The following ZBTB14 variants were observed in gnomAD, a reference collection of about 807,000 sequenced individuals.
ZBTB14 encodes the protein zinc finger and BTB domain-containing protein 14.
Under a neutral mutation model 29.5 loss-of-function variants are expected in ZBTB14, and 8 were observed. The observed-to-expected ratio is 0.27, with a 90% confidence interval of 0.16 to 0.49. The LOEUF is 0.49. Among genes scored for constraint, ZBTB14 ranks in the 20% least tolerant of loss-of-function variants. ZBTB14 has a pLI of 0.99. For synonymous variants in ZBTB14, 226 were observed against 207.2 expected (o/e 1.09, Z -0.78); for missense variants, 333 against 563.8 (o/e 0.59, Z 4.15).
chr18:5,290,393 C>A lies in ZBTB14; in HGVS notation c.*465G>T, dbSNP rs1480334815. The A allele has an allele frequency of 1.3e-5, 2 of 153,964 alleles. No homozygotes were observed. The highest frequency in any genetic ancestry group is 4.8e-5 in the African/African-American group (2 of 41,492). 9.5% of individuals were successfully genotyped at this position (153,964 alleles called of 1,614,324 possible). ...TGTGCAGTGTTCTTGGTCAACCACTCACCAATTTTCTGCGTCTATCTGAAG... is the reference window on the plus strand; with the variant it reads ...TGTGCAGTGTTCTTGGTCAACCACTAACCAATTTTCTGCGTCTATCTGAAG... On this transcript the variant is annotated 3_prime_UTR_variant, in exon 4 of 4. Transcript: ENST00000651870.
Position 5,291,620 on chromosome 18 carries a change from C to T in ZBTB14, c.588G>A (p.Arg196=). The T allele has an allele frequency of 6.2e-7, 1 of 1,613,878 alleles. No homozygotes were observed. The highest frequency in any genetic ancestry group is 8.5e-7 in the Non-Finnish European group (1 of 1,180,032). The part of the protein sequence containing the change: ...EDGKSPTTTL[R]VQEAILKELG... ...GCTCTTTCAGGATCGCTTCCTGAAC[C>T]CTGAGCGTTGTGGTGGGCGACTTGC... The change falls in exon 4 of 4, where the codon AGG becomes AGA. Residue 196 remains arginine (R), a synonymous_variant. Transcript: ENST00000651870. The surrounding 1 kb of genome is among the most constrained non-coding windows in gnomAD (Gnocchi z 5.8).
intron 1 of ZBTB14, among the ~76,000 whole-genome samples, chr18:5,294,548 C>A (rs1381225776): frequency 6.6e-6 from 1 of 152,182 alleles, no homozygotes; most frequent in African/African-American, 2.4e-5. Context: ...GAAGAGAGAC[C>A]ATGTGTGTCC....
At chr18:5,295,978 C>T (rs188195726), upstream of ZBTB14, 1,250 of 151,530 alleles carry the variant, frequency 8.2e-3, 8 homozygotes, top group South Asian at 0.024. Flanking sequence ...AAATCGTGCA[C>T]GTCCCTGATG....
upstream of ZBTB14, chr18:5,296,206 C>T (rs1421487775): frequency 1.3e-5 from 2 of 151,224 alleles, no homozygotes; most frequent in Non-Finnish European, 3.0e-5. Context: ...GGGGCCGCCC[C>T]CGGAGGGCCC....
At chr18:5,294,394 G>T (rs572478658) in intron 1 of ZBTB14, among the ~76,000 whole-genome samples, 1 of 152,314 alleles carries the variant, frequency 6.6e-6, no homozygotes, top group East Asian at 1.9e-4. Context: ...CCTAGGGCTT[G>T]TGGGATAAAA....
Position 5,293,992 on chromosome 18 carries a change from G to A in ZBTB14, c.-102C>T, listed in dbSNP as rs1021871218. Reference sequence around the variant, plus strand: ...CTTACCGGAAGAACTCCATCCTGCAGACCCATATCCTGAAAAACAAAAAGT... The same window carrying A: ...CTTACCGGAAGAACTCCATCCTGCAAACCCATATCCTGAAAAACAAAAAGT... On this transcript the variant is annotated 5_prime_UTR_variant, in exon 2 of 4. Coordinates refer to ENST00000651870, the MANE Select transcript of ZBTB14 (RefSeq NM_001243702.2). The A allele has an allele frequency of 6.6e-6, 1 of 152,162 alleles. No individual in the cohort carries two copies. Among genetic ancestry groups the A allele is most frequent in the Non-Finnish European group, 1.5e-5 (1 of 68,046 alleles). The allele number at this position is 152,162 out of a possible 1,614,324, so 9.4% of individuals were successfully genotyped here. A position where few individuals can be genotyped will look rare whatever the true frequency, so the allele number is the denominator to read the frequency against.
Position 5,290,845 on chromosome 18 carries a change from T to C in ZBTB14, c.*13A>G, listed in dbSNP as rs1364214582. The C allele has an allele frequency of 1.2e-6, 2 of 1,607,812 alleles. No homozygotes were observed. On this transcript the variant is annotated 3_prime_UTR_variant, in exon 4 of 4. Coordinates refer to ENST00000651870, the MANE Select transcript of ZBTB14 (RefSeq NM_001243702.2). ...CTCCACTTTCCAGGCAAAGTGTCCC[T>C]GTCCCACCGCCTCTAGCTACAGGCT...
intron 1 of ZBTB14, among the ~76,000 whole-genome samples, 197 bp downstream of exon 1, chr18:5,295,455 C>G (rs1341946191): frequency 2.1e-5 from 3 of 145,222 alleles, no homozygotes; most frequent in African/African-American, 7.4e-5. Flanking sequence ...TGGGTTCGGG[C>G]CGTCCCCACC....
upstream of ZBTB14, chr18:5,296,048 G>GC (rs1039137462): frequency 7.6e-4 from 114 of 150,968 alleles, no homozygotes; most frequent in East Asian, 3.2e-3. Context: ...CACCCCCACC[G>GC]CCCCCCCCTT....
intron 1 of ZBTB14, among the ~76,000 whole-genome samples, chr18:5,294,644 G>A (rs1326995660): frequency 6.6e-6 from 1 of 152,032 alleles, no homozygotes; most frequent in Non-Finnish European, 1.5e-5. Flanking sequence ...GAAGACAGCT[G>A]TTGCCAGCAT....
chr18:5,293,027 G>A (rs1009998814), intron 3 of ZBTB14, among the ~76,000 whole-genome samples: 26 of 152,140 alleles, frequency 1.7e-4, no homozygotes, highest in Non-Finnish European at 2.9e-4. Context: ...CAAAAATTTG[G>A]AACTGGCATG....
In ZBTB14 at chr18:5,291,479, A is replaced by G; in HGVS notation, c.729T>C (p.Asp243=). ...GTTCATCTTTCACTTCACTCATCCC[A>G]TCATTAAATGTTAAGGCTTGAGGGG... ...SQTPQALTFN[D]GMSEVKDEQT... The change falls in exon 4 of 4, where the codon GAT becomes GAC. Residue 243 remains aspartate (D), a synonymous_variant. Transcript: ENST00000651870. This position sits in a 1 kb window ranked among gnomAD's most constrained non-coding sequence, Gnocchi z 5.8. 3.7e-6 allele frequency: 6 copies of G among 1,614,138 alleles called. No homozygotes were observed. Among genetic ancestry groups the G allele is most frequent in the Non-Finnish European group, 5.1e-6 (6 of 1,180,022 alleles).
intron 1 of ZBTB14, among the ~76,000 whole-genome samples, chr18:5,295,379 G>A (rs1413204473): frequency 2.8e-5 from 4 of 142,848 alleles, no homozygotes; most frequent in Admixed American, 2.1e-4. Context: ...CTCCGCCGGC[G>A]GCTGTAGGCG....
chr18:5,294,462 G>C (rs1281016522), intron 1 of ZBTB14, among the ~76,000 whole-genome samples: 1 of 152,154 alleles, frequency 6.6e-6, no homozygotes, highest in East Asian at 1.9e-4. Flanking sequence ...ATATCAATGT[G>C]TTGTTGTTGT....
In ZBTB14 at chr18:5,290,599, A is replaced by T. The variant is rs1222377125; in HGVS notation, c.*259T>A. The T allele has an allele frequency of 5.5e-6, 2 of 363,834 alleles. No individual in the cohort carries two copies. The highest frequency in any genetic ancestry group is 8.8e-5 in the East Asian group (2 of 22,728). 22.5% of individuals were successfully genotyped at this position (363,834 alleles called of 1,614,324 possible). The stretch of plus-strand genomic sequence containing the variant: ...AGGAGTTCTCAAATTAAAATAATAA[A>T]AAAAAAAAAGGGAGAGAGGTGCTTA... On this transcript the variant is annotated 3_prime_UTR_variant, in exon 4 of 4. Transcript: ENST00000651870.
chr18:5,296,602 C>G (rs375296376), upstream of ZBTB14, among the ~76,000 whole-genome samples: 24 of 152,184 alleles, frequency 1.6e-4, 2 homozygotes, highest in Admixed American at 9.2e-4. Context: ...GGTCTGCGGT[C>G]TTGCCTCTTG....
chr18:5,295,260 C>T (rs925784588), intron 1 of ZBTB14, among the ~76,000 whole-genome samples: 105 of 144,998 alleles, frequency 7.2e-4, no homozygotes, highest in African/African-American at 2.5e-3. Context: ...CAGCTCGCGC[C>T]GGGCCCTCCC....
chr18:5,296,370 C>A (rs902240579), upstream of ZBTB14, among the ~76,000 whole-genome samples: 2 of 150,286 alleles, frequency 1.3e-5, no homozygotes, highest in African/African-American at 2.4e-5. Context: ...AAGCTCCCTC[C>A]CGCCCTGGTT....
At chr18:5,294,276 T>C (rs1355650640) in intron 1 of ZBTB14, among the ~76,000 whole-genome samples, 2 of 152,204 alleles carry the variant, frequency 1.3e-5, no homozygotes, top group East Asian at 3.9e-4. Flanking sequence ...TCTACGTGTT[T>C]CTGCCTCTCT....
Sources: allele counts gnomAD v4.1 joint callset (sites outside exome capture counted in the v4.1 genomes callset), GRCh38; gene constraint gnomAD v4.1.1; non-coding constraint Gnocchi (gnomAD v3.1); transcripts MANE v1.5; gene names NCBI Gene and HGNC (gene_info 2026-07-23, HGNC 2026-07-21).